Variants in CNTNAP2 observed in about 807,000 individuals in gnomAD.
CNTNAP2 encodes the protein contactin associated protein 2.
A neutral mutation model predicts 155.2 loss-of-function variants in CNTNAP2; 98 were observed. The observed-to-expected ratio is 0.63, with a 90% CI of 0.54 to 0.75. The LOEUF (loss-of-function observed/expected upper bound fraction) is 0.75, where lower values mean the gene tolerates loss of function less well. CNTNAP2 is among the 30% of genes least tolerant of loss of function. The probability of loss-of-function intolerance (pLI) is 0.00; values close to 1 mark genes in which losing one functional copy is unlikely to be tolerated. For missense variants in CNTNAP2, 1,727 were observed against 1,688.1 expected, an observed-to-expected ratio of 1.02 and a Z score of -0.40; for synonymous variants, 651 against 631.2, an observed-to-expected ratio of 1.03 and a Z score of -0.47.
chr7:147,016,075 C>G (rs1798718246), intron 3 of CNTNAP2, among the ~76,000 whole-genome samples: 2 of 152,002 alleles, frequency 1.3e-5, no homozygotes, highest in African/African-American at 4.8e-5. Context: ...TTGGGAACAC[C>G]AGAAATTTGA....
chr7:147,326,067 C>T (rs2620470), intron 9 of CNTNAP2, among the ~76,000 whole-genome samples: 21,212 of 152,020 alleles, frequency 0.14, 1,886 homozygotes, highest in East Asian at 0.3. Context: ...GGACGACAAG[C>T]GCACGCCACC....
At chr7:147,561,255 T>C (rs986525092) in intron 11 of CNTNAP2, among the ~76,000 whole-genome samples, 1 of 152,208 alleles carries the variant, frequency 6.6e-6, no homozygotes, top group African/African-American at 2.4e-5. Context: ...ACCCAAAGAC[T>C]TCACTGCTTT....
At chr7:146,132,850 G>A (rs1195303450) in intron 1 of CNTNAP2, among the ~76,000 whole-genome samples, 1 of 148,306 alleles carries the variant, frequency 6.7e-6, no homozygotes, top group Non-Finnish European at 1.5e-5. Context: ...CTTTGCTATT[G>A]TGAATAATGC....
chr7:148,207,820 C>T (rs1306726064), intron 18 of CNTNAP2, among the ~76,000 whole-genome samples: 1 of 152,118 alleles, frequency 6.6e-6, no homozygotes, highest in Non-Finnish European at 1.5e-5. Flanking sequence ...GAAGTCATCA[C>T]AGCGTGGTGG....
intron 15 of CNTNAP2, among the ~76,000 whole-genome samples, chr7:148,107,088 T>G (rs1368056492): frequency 6.6e-6 from 1 of 152,158 alleles, no homozygotes; most frequent in Non-Finnish European, 1.5e-5. Context: ...GTTCCCACCC[T>G]CCAAACATGT....
chr7:148,387,879 C>CAGTAA (rs1020619681), intron 22 of CNTNAP2, among the ~76,000 whole-genome samples: 2 of 149,308 alleles, frequency 1.3e-5, no homozygotes. Flanking sequence ...AAACTGGTTG[C>CAGTAA]AGTAAAGAAG....
intron 4 of CNTNAP2, among the ~76,000 whole-genome samples, chr7:147,061,958 C>A (rs1483345880): frequency 6.6e-6 from 1 of 151,604 alleles, no homozygotes; most frequent in Non-Finnish European, 1.5e-5. Context: ...GAAACCCCAT[C>A]TCTACTAAAA....
intron 1 of CNTNAP2, among the ~76,000 whole-genome samples, chr7:146,740,475 A>G (rs1801693878): frequency 6.6e-6 from 1 of 152,014 alleles, no homozygotes; most frequent in African/African-American, 2.4e-5. Flanking sequence ...TGGCACCTTA[A>G]AATATCTGTT....
chr7:146,617,877 C>T (rs539978578), intron 1 of CNTNAP2, among the ~76,000 whole-genome samples: 1 of 151,968 alleles, frequency 6.6e-6, no homozygotes, highest in Non-Finnish European at 1.5e-5. Flanking sequence ...TGATAAAATA[C>T]TCAAAAAATG....
At chr7:146,489,429 G>A (rs1174929913) in intron 1 of CNTNAP2, among the ~76,000 whole-genome samples, 1 of 152,134 alleles carries the variant, frequency 6.6e-6, no homozygotes, top group African/African-American at 2.4e-5. Flanking sequence ...ATAATAATGT[G>A]TATGGTTCAT....
intron 12 of CNTNAP2, among the ~76,000 whole-genome samples, chr7:147,580,663 T>C (rs1800482822): frequency 6.6e-6 from 1 of 151,824 alleles, no homozygotes. Flanking sequence ...TTGCCCAGGC[T>C]GAAGTGCAAT....
At chr7:146,333,672 T>A (rs1801222564) in intron 1 of CNTNAP2, among the ~76,000 whole-genome samples, 1 of 152,160 alleles carries the variant, frequency 6.6e-6, no homozygotes, top group South Asian at 2.1e-4. Context: ...TGTTAAAAAA[T>A]AAATTCCTAA....
Position 147,525,053 on chromosome 7 carries a change from C to T in CNTNAP2, c.1778-37085C>T, listed in dbSNP as rs543661808. Among the ~76,000 whole-genome samples, 650 of 152,258 alleles carry T rather than the reference C, an allele frequency of 4.3e-3. 6 individuals carry two copies. Among genetic ancestry groups the T allele is most frequent in the African/African-American group, 0.015 (614 of 41,546 alleles). ...GTGAAATTCTGACAGCAGGGAAAGT[C>T]GGGGGCTGGCATTTCTGGCAGGCAT... On this transcript the variant is annotated intron_variant, in intron 11 of 23. Coordinates refer to ENST00000361727, the MANE Select transcript of CNTNAP2 (RefSeq NM_014141.6).
intron 10 of CNTNAP2, among the ~76,000 whole-genome samples, chr7:147,467,895 G>C (rs1012555652): frequency 6.6e-6 from 1 of 152,110 alleles, no homozygotes; most frequent in African/African-American, 2.4e-5. Flanking sequence ...GCCAGGCATG[G>C]TGATGCATGC....
At chr7:146,507,168 G>A (rs1251842090) in intron 1 of CNTNAP2, among the ~76,000 whole-genome samples, 1 of 152,182 alleles carries the variant, frequency 6.6e-6, no homozygotes, top group African/African-American at 2.4e-5. Flanking sequence ...CACAATGACT[G>A]TAGCCCTTCC....
chr7:147,754,410 A>T (rs1354977196), intron 13 of CNTNAP2, among the ~76,000 whole-genome samples: 2 of 152,222 alleles, frequency 1.3e-5, no homozygotes, highest in Admixed American at 6.5e-5. Flanking sequence ...GTTTTCAAAC[A>T]GGAGAAATGG....
chr7:148,118,826 A>T (rs1804534187), intron 16 of CNTNAP2, among the ~76,000 whole-genome samples: 1 of 152,128 alleles, frequency 6.6e-6, no homozygotes, highest in Non-Finnish European at 1.5e-5. Context: ...TGAGTTCTGG[A>T]TGTCATGTAC....
chr7:148,203,767 G>A (rs961866654), intron 18 of CNTNAP2, among the ~76,000 whole-genome samples: 7 of 151,918 alleles, frequency 4.6e-5, no homozygotes, highest in African/African-American at 1.7e-4. Flanking sequence ...GAAAAGAAAA[G>A]GAAAAAAGAA....
At chr7:148,226,645 AT>A (rs1368219970) in intron 19 of CNTNAP2, among the ~76,000 whole-genome samples, 1 of 149,216 alleles carries the variant, frequency 6.7e-6, no homozygotes, top group Admixed American at 6.7e-5. Flanking sequence ...GGGAAAAAAA[AT>A]GCCTCAAATG....
Sources: allele counts gnomAD v4.1 joint callset (sites outside exome capture counted in the v4.1 genomes callset), GRCh38; gene constraint gnomAD v4.1.1; transcripts MANE v1.5; gene names NCBI Gene and HGNC (gene_info 2026-07-23, HGNC 2026-07-21).